The following SLF1 variants were observed in gnomAD, a reference collection of about 807,000 sequenced individuals.
SLF1 encodes SMC5/6 complex localization factor 1.
Under a neutral mutation model 123.0 loss-of-function variants are expected in SLF1, and 105 were observed. The observed-to-expected ratio is 0.85, with a 90% confidence interval of 0.73 to 1.00. The LOEUF (loss-of-function observed/expected upper bound fraction) is 1.00, where lower values mean the gene tolerates loss of function less well. Ranked by LOEUF, SLF1 falls within the 50% of genes least tolerant of loss-of-function variation. SLF1 has a pLI of 0.00. For missense variants in SLF1, 1,239 were observed against 1,223.0 expected (o/e 1.01, Z -0.20); for synonymous variants, 434 against 406.6 (o/e 1.07, Z -0.81).
At position 94,686,620 on chromosome 5, in the gene SLF1, T is replaced by C. The variant is rs372341695; in HGVS notation, c.2023T>C (p.Ser675Pro). ...GATTTTCATTTGCTCCTTTTCCTCCTCCTGGCTTCAAATGTTTGTTGCAGA... is the reference window on the plus strand; with the variant it reads ...GATTTTCATTTGCTCCTTTTCCTCCCCCTGGCTTCAAATGTTTGTTGCAGA... Reference protein sequence around the residue: ...LEIFICSFSSSWLQMFVAEAV... With the variant: ...LEIFICSFSSPWLQMFVAEAV... The change falls in exon 16 of 21, where the codon TCC becomes CCC. Residue 675 changes from serine to proline, a missense_variant. Physicochemically the swap from Ser to Pro is moderately conservative, Grantham distance 74. Transcript: ENST00000265140. The C allele has an allele frequency of 1.9e-5, 30 of 1,614,118 alleles. 1 individual carries two copies. In the East Asian group the frequency reaches 2.0e-4, roughly 11 times the overall value.
intron 9 of SLF1, among the ~76,000 whole-genome samples, chr5:94,655,154 G>A (rs1748225709): frequency 6.6e-6 from 1 of 152,164 alleles, no homozygotes; most frequent in Non-Finnish European, 1.5e-5. Context: ...TTCTGCTTAT[G>A]ATTATCCAGT....
intron 1 of SLF1, among the ~76,000 whole-genome samples, chr5:94,627,585 CATATAT>C (rs58847356): frequency 0.031 from 2,695 of 86,794 alleles, 82 homozygotes; most frequent in Middle Eastern, 0.062. Flanking sequence ...ATGAAATTAA[CATATAT>C]ATATATATAT....
At chr5:94,644,678 A>G (rs1400522968) in intron 5 of SLF1, among the ~76,000 whole-genome samples, 2 of 152,104 alleles carry the variant, frequency 1.3e-5, no homozygotes, top group African/African-American at 4.8e-5. Context: ...TTCCTGTTAC[A>G]ATGTTACTCT....
At chr5:94,691,523 T>C in intron 18 of SLF1, 41 bp from the exon 19 acceptor site, 1 of 1,520,356 alleles carries the variant, frequency 6.6e-7, no homozygotes. Flanking sequence ...TTAGTTGATA[T>C]CTTGTCTTCT....
intron 18 of SLF1, 51 bp from the exon 19 acceptor site, chr5:94,691,513 T>C (rs763240005): frequency 2.8e-6 from 4 of 1,453,144 alleles, no homozygotes; most frequent in Non-Finnish European, 3.8e-6. Flanking sequence ...ATTATTTTTT[T>C]TAGTTGATAT....
chr5:94,687,138 A>G (rs899527681), intron 16 of SLF1, among the ~76,000 whole-genome samples: 1 of 152,220 alleles, frequency 6.6e-6, no homozygotes, highest in Non-Finnish European at 1.5e-5. Flanking sequence ...AAATATTTCA[A>G]TTCTGTATAA....
chr5:94,632,228 C>T (rs950984250), intron 4 of SLF1, among the ~76,000 whole-genome samples: 2 of 152,174 alleles, frequency 1.3e-5, no homozygotes, highest in Non-Finnish European at 2.9e-5. Context: ...TATTTCTGGA[C>T]TTCCTGTTTG....
chr5:94,642,737 G>A (rs569912158), intron 4 of SLF1, among the ~76,000 whole-genome samples: 1 of 152,110 alleles, frequency 6.6e-6, no homozygotes, highest in African/African-American at 2.4e-5. Flanking sequence ...TAGTCTAAAT[G>A]TAAAATGTAT....
At chr5:94,683,042 G>A (rs1221391159) in intron 15 of SLF1, among the ~76,000 whole-genome samples, 4 of 152,228 alleles carry the variant, frequency 2.6e-5, no homozygotes, top group East Asian at 3.9e-4. Context: ...TGACTTAAAC[G>A]TATTTCTTCT....
intron 4 of SLF1, among the ~76,000 whole-genome samples, chr5:94,638,658 C>T (rs965182028): frequency 1.3e-5 from 2 of 152,214 alleles, no homozygotes; most frequent in Admixed American, 1.3e-4. Context: ...AGAATCCTTT[C>T]TGTGTGGCAC....
chr5:94,686,856 C>A, intron 16 of SLF1, 138 bp downstream of exon 16: 2 of 997,546 alleles, frequency 2.0e-6, no homozygotes, highest in Admixed American at 6.2e-5. Context: ...GGCGCAATCG[C>A]GGCTCACTGT....
intron 4 of SLF1, among the ~76,000 whole-genome samples, chr5:94,637,933 G>C (rs1477672503): frequency 6.6e-6 from 1 of 151,940 alleles, no homozygotes; most frequent in East Asian, 1.9e-4. Flanking sequence ...TTTTATATTG[G>C]TGATGTGGTG....
chr5:94,679,970 T>C (rs1585217344), intron 15 of SLF1, among the ~76,000 whole-genome samples: 1 of 152,188 alleles, frequency 6.6e-6, no homozygotes, highest in East Asian at 1.9e-4. Flanking sequence ...AATCCTTAAT[T>C]CCTAAAATGA....
chr5:94,627,583 A>AACATATAT (rs1172907552), intron 1 of SLF1, among the ~76,000 whole-genome samples: 2 of 62,830 alleles, frequency 3.2e-5, no homozygotes, highest in Non-Finnish European at 6.4e-5. Flanking sequence ...TGATGAAATT[A>AACATATAT]ACATATATAT....
intron 4 of SLF1, among the ~76,000 whole-genome samples, chr5:94,634,699 T>A (rs556682837): frequency 3.5e-4 from 54 of 152,298 alleles, no homozygotes; most frequent in African/African-American, 1.1e-3. Context: ...AACTAGGGAA[T>A]ACCAGGGCTC....
Position 94,630,515 on chromosome 5 carries a change from T to A in SLF1, c.203T>A (p.Leu68Gln). Residue 68 changes from leucine to glutamine, a missense_variant, in exon 4 of 21, where the codon CTA becomes CAA. Transcript: ENST00000265140. ...LAACAAGKWI[L>Q]TKDYIIHSAK... is the part of the protein sequence containing the mutation. ...ATTTGCTTTCTAGGAAAGTGGATAC[T>A]AACCAAGGACTATATAATTCATAGT... The A allele has an allele frequency of 2.6e-6, 4 of 1,547,578 alleles. No individual in the cohort carries two copies. Among genetic ancestry groups the A allele is most frequent in the Non-Finnish European group, 3.5e-6 (4 of 1,143,590 alleles).
chr5:94,658,189 T>C (rs1748651369), intron 9 of SLF1, among the ~76,000 whole-genome samples: 1 of 150,624 alleles, frequency 6.6e-6, no homozygotes, highest in Non-Finnish European at 1.5e-5. Context: ...ATTGGTGACA[T>C]TTGGCTCTTT....
chr5:94,662,154 TGAG>T (rs2152485875), intron 9 of SLF1, 141 bp from the exon 10 acceptor site: 1 of 502,638 alleles, frequency 2.0e-6, no homozygotes, highest in East Asian at 3.6e-5. Context: ...GTTGCTAGTT[TGAG>T]TAAATATGAG....
chr5:94,647,268 G>A (rs1747172267), intron 5 of SLF1, among the ~76,000 whole-genome samples: 1 of 152,176 alleles, frequency 6.6e-6, no homozygotes, highest in African/African-American at 2.4e-5. Flanking sequence ...CAGGGTATAA[G>A]TACAAGTTAA....
Sources: allele counts gnomAD v4.1 joint callset (sites outside exome capture counted in the v4.1 genomes callset), GRCh38; gene constraint gnomAD v4.1.1; transcripts MANE v1.5; gene names NCBI Gene and HGNC (gene_info 2026-07-23, HGNC 2026-07-21).